Variants in ZNF407 observed in about 807,000 individuals in gnomAD.
ZNF407 encodes the protein zinc finger protein 407.
In ZNF407, 17 loss-of-function variants were observed where a neutral mutation model predicts 131.2. The ratio of observed to expected loss-of-function variants is 0.13; its 90% CI spans 0.09 to 0.19. The LOEUF is 0.19. Ranked by LOEUF, ZNF407 falls within the 10% of genes least tolerant of loss-of-function variation. The probability of loss-of-function intolerance (pLI) is 1.00; values close to 1 mark genes in which losing one functional copy is unlikely to be tolerated. For synonymous variants in ZNF407, 1,156 were observed against 1,062.0 expected, an observed-to-expected ratio of 1.09 and a Z score of -1.72; for missense variants, 2,681 against 2,830.6, an observed-to-expected ratio of 0.95 and a Z score of 1.20.
intron 4 of ZNF407, among the ~76,000 whole-genome samples, chr18:74,846,880 G>C (rs1158511540): frequency 6.6e-6 from 1 of 151,764 alleles, no homozygotes; most frequent in Admixed American, 6.6e-5. Context: ...TGTAATCCCA[G>C]CTACTCGGGA....
At chr18:74,657,239 T>C (rs1985501564) in intron 3 of ZNF407, among the ~76,000 whole-genome samples, 1 of 152,130 alleles carries the variant, frequency 6.6e-6, no homozygotes, top group Non-Finnish European at 1.5e-5. Flanking sequence ...TCTTGAAATA[T>C]TTTTTGTATA....
At chr18:74,705,743 TG>T (rs2144833214) in intron 3 of ZNF407, among the ~76,000 whole-genome samples, 1 of 152,316 alleles carries the variant, frequency 6.6e-6, no homozygotes, top group African/African-American at 2.4e-5. Flanking sequence ...AAACAAATAC[TG>T]GACATTTTTG....
At chr18:74,937,061 A>T (rs1345390300) in intron 8 of ZNF407, among the ~76,000 whole-genome samples, 1 of 152,208 alleles carries the variant, frequency 6.6e-6, no homozygotes, top group Non-Finnish European at 1.5e-5. Context: ...TTTTGCTCCC[A>T]TGATATAAGG....
In ZNF407 at chr18:74,918,145, G is replaced by A. The variant is rs550049079; in HGVS notation, c.5250-2369G>A. 4.6e-5 allele frequency among the ~76,000 whole-genome samples: 7 copies of A among 152,318 alleles called. No homozygotes were observed. In the South Asian group the frequency reaches 8.3e-4, roughly 18 times the overall value. ...TGTGTTATTTCAGACATGACCCAGA[G>A]CTGTTACTCTAAGGATAATTACACA... On this transcript the variant is annotated intron_variant, in intron 7 of 8. Coordinates refer to ENST00000299687, the MANE Select transcript of ZNF407 (RefSeq NM_017757.3).
At chr18:74,948,921 G>T (rs530666818) in intron 8 of ZNF407, among the ~76,000 whole-genome samples, 1 of 152,266 alleles carries the variant, frequency 6.6e-6, no homozygotes, top group East Asian at 1.9e-4. Flanking sequence ...TTATATAAAG[G>T]TTTCATTTCA....
chr18:75,061,835 C>T (rs1267430275), intron 8 of ZNF407: 2 of 151,210 alleles, frequency 1.3e-5, no homozygotes, highest in Non-Finnish European at 2.9e-5. Context: ...TCCTGGTCTC[C>T]CCTTATTGCC....
intron 3 of ZNF407, among the ~76,000 whole-genome samples, chr18:74,771,871 T>A (rs928679730): frequency 3.3e-5 from 5 of 152,090 alleles, no homozygotes; most frequent in Admixed American, 2.0e-4. Flanking sequence ...TAAAAAAAAA[T>A]CTCTATGCTT....
chr18:74,837,431 AAAT>A (rs1363354848), intron 4 of ZNF407, among the ~76,000 whole-genome samples: 1 of 152,088 alleles, frequency 6.6e-6, no homozygotes, highest in Non-Finnish European at 1.5e-5. Context: ...ACTAGATGTG[AAAT>A]AATAATGCCT....
At chr18:74,781,598 C>T in intron 4 of ZNF407, 96 bp downstream of exon 4, 1 of 849,574 alleles carries the variant, frequency 1.2e-6, no homozygotes, top group Non-Finnish European at 1.7e-6. Context: ...TTTTTCACAT[C>T]AGTTAATCAT....
intron 8 of ZNF407, among the ~76,000 whole-genome samples, chr18:74,966,895 T>C (rs1048829260): frequency 1.3e-5 from 2 of 152,210 alleles, no homozygotes; most frequent in African/African-American, 4.8e-5. Context: ...AATTCTTAGA[T>C]ATTTAATTTT....
At chr18:74,654,245 G>A (rs1298876976) in intron 3 of ZNF407, among the ~76,000 whole-genome samples, 2 of 151,718 alleles carry the variant, frequency 1.3e-5, no homozygotes, top group African/African-American at 4.8e-5. Flanking sequence ...TTACCAGTAG[G>A]TATAGTTAGT....
intron 4 of ZNF407, among the ~76,000 whole-genome samples, chr18:74,842,600 A>ATGTG (rs10533228): frequency 6.7e-6 from 1 of 150,332 alleles, no homozygotes; most frequent in Non-Finnish European, 1.5e-5. Flanking sequence ...TTCCCTAGTG[A>ATGTG]TGTGTGTGTG....
At chr18:74,737,365 A>C (rs1398746217) in intron 3 of ZNF407, among the ~76,000 whole-genome samples, 1 of 152,248 alleles carries the variant, frequency 6.6e-6, no homozygotes, top group Non-Finnish European at 1.5e-5. Flanking sequence ...TTTTGAAAAT[A>C]CTATCTTACT....
At chr18:74,852,552 ATT>A (rs2145148518) in intron 4 of ZNF407, among the ~76,000 whole-genome samples, 1 of 152,220 alleles carries the variant, frequency 6.6e-6, no homozygotes, top group Non-Finnish European at 1.5e-5. Flanking sequence ...GTAATTTAAT[ATT>A]TTGAGCTCTG....
chr18:74,929,297 G>C (rs573413490), intron 8 of ZNF407, among the ~76,000 whole-genome samples: 113 of 152,234 alleles, frequency 7.4e-4, no homozygotes, highest in Non-Finnish European at 1.4e-3. Context: ...CAGCCACGTG[G>C]CATTCTCTTA....
intron 4 of ZNF407, among the ~76,000 whole-genome samples, chr18:74,825,683 C>G (rs1297614197): frequency 6.6e-6 from 1 of 151,980 alleles, no homozygotes; most frequent in African/African-American, 2.4e-5. Flanking sequence ...GTTGTGTGGT[C>G]TTGGTTTTGT....
At chr18:74,903,239 C>T (rs1405653592) in intron 7 of ZNF407, among the ~76,000 whole-genome samples, 2 of 152,174 alleles carry the variant, frequency 1.3e-5, no homozygotes, top group African/African-American at 4.8e-5. Flanking sequence ...GATGCTGCTT[C>T]AGTAAAAATG....
intron 8 of ZNF407, among the ~76,000 whole-genome samples, chr18:74,986,654 CAG>C (rs987753879): frequency 1.4e-4 from 21 of 152,144 alleles, no homozygotes; most frequent in African/African-American, 4.8e-4. Context: ...TTTTCCCTCT[CAG>C]AGGAAACATG....
At chr18:74,883,980 C>T (rs940161324) in intron 6 of ZNF407, among the ~76,000 whole-genome samples, 1 of 152,186 alleles carries the variant, frequency 6.6e-6, no homozygotes, top group Non-Finnish European at 1.5e-5. Context: ...TGTTGACTTA[C>T]AGATAACATT....
Sources: allele counts gnomAD v4.1 joint callset (sites outside exome capture counted in the v4.1 genomes callset), GRCh38; gene constraint gnomAD v4.1.1; transcripts MANE v1.5; gene names NCBI Gene and HGNC (gene_info 2026-07-23, HGNC 2026-07-21).